CACNA2D2: variants seen among roughly 807,000 people sequenced by gnomAD.
CACNA2D2 encodes the protein calcium voltage-gated channel auxiliary subunit alpha2delta 2, also known as voltage-dependent calcium channel subunit alpha-2/delta-2.
Under a neutral mutation model 166.4 loss-of-function variants are expected in CACNA2D2, and 48 were observed. The ratio of observed to expected loss-of-function variants is 0.29; its 90% CI spans 0.23 to 0.37. The LOEUF is 0.37. Ranked by LOEUF, CACNA2D2 falls within the 10% of genes least tolerant of loss-of-function variation. CACNA2D2 has a pLI of 1.00. For synonymous variants in CACNA2D2, 561 were observed against 573.7 expected (o/e 0.98, Z 0.32); for missense variants, 1,122 against 1,433.0 (o/e 0.78, Z 3.50).
At chr3:50,455,714 G>A (rs900399204) in intron 2 of CACNA2D2, among the ~76,000 whole-genome samples, 2 of 152,002 alleles carry the variant, frequency 1.3e-5, no homozygotes, top group African/African-American at 4.8e-5. Flanking sequence ...CACCCCTCCC[G>A]CCTGCTCTGG....
chr3:50,382,925 C>A (rs1458872886), intron 6 of CACNA2D2, among the ~76,000 whole-genome samples: 1 of 152,236 alleles, frequency 6.6e-6, no homozygotes, highest in Non-Finnish European at 1.5e-5. Context: ...CGCGCAAACA[C>A]CCCTGCGCCC....
intron 3 of CACNA2D2, among the ~76,000 whole-genome samples, chr3:50,418,900 G>T (rs1471417432): frequency 6.6e-6 from 1 of 152,236 alleles, no homozygotes; most frequent in Non-Finnish European, 1.5e-5. Flanking sequence ...GCCTCTGGGG[G>T]AGGGAGATAT....
At chr3:50,416,583 C>A (rs1474958149) in intron 3 of CACNA2D2, among the ~76,000 whole-genome samples, 1 of 152,226 alleles carries the variant, frequency 6.6e-6, no homozygotes, top group Non-Finnish European at 1.5e-5. Context: ...AAAACCCCTG[C>A]TCTGTCCTGG....
chr3:50,458,914 C>T (rs755971089), intron 2 of CACNA2D2, among the ~76,000 whole-genome samples: 8 of 152,220 alleles, frequency 5.3e-5, no homozygotes, highest in South Asian at 2.1e-4. Context: ...ATCCCTTCCC[C>T]GGGTTTCTGG....
intron 3 of CACNA2D2, among the ~76,000 whole-genome samples, chr3:50,407,672 C>T (rs1422974712): frequency 1.3e-5 from 2 of 152,210 alleles, no homozygotes; most frequent in Admixed American, 6.5e-5. Context: ...GGGGCTTCTA[C>T]TAGTCCCAGC....
intron 3 of CACNA2D2, among the ~76,000 whole-genome samples, chr3:50,408,272 C>T (rs962633333): frequency 6.6e-6 from 1 of 152,218 alleles, no homozygotes; most frequent in South Asian, 2.1e-4. Context: ...CAAGACAAAG[C>T]CAGGGCTCCC....
rs1212207912 is a variant in CACNA2D2 at position 50,379,761 on chromosome 3, G to T, written c.957C>A (p.Asp319Glu). ...LMKTSVCEML[D>E]TLSDDDYVNV... ...TCACATAGTCATCATCAGACAGCGT[G>T]TCCAGCATCTCGCAGACAGATGTCT... The change falls in exon 10 of 38, where the codon GAC (aspartate) becomes GAA (glutamate). Residue 319 changes from aspartate to glutamate, a missense_variant. Asp to Glu is a conservative substitution (Grantham distance 45). Transcript: ENST00000424201. The surrounding 1 kb of genome is among the most constrained non-coding windows in gnomAD (Gnocchi z 6.5). 6.2e-7 allele frequency: 1 copy of T among 1,613,838 alleles called. No homozygotes were observed. The highest frequency in any genetic ancestry group is 8.5e-7 in the Non-Finnish European group (1 of 1,180,036).
chr3:50,404,196 T>C (rs2236959), intron 3 of CACNA2D2, among the ~76,000 whole-genome samples: 43,887 of 151,888 alleles, frequency 0.29, 8,917 homozygotes, highest in African/African-American at 0.54. Flanking sequence ...TCCAAGATGG[T>C]GTGGGGGGTG....
At chr3:50,442,399 A>G (rs1708641735) in intron 2 of CACNA2D2, among the ~76,000 whole-genome samples, 2 of 152,170 alleles carry the variant, frequency 1.3e-5, no homozygotes. Context: ...CTGCCCAAGA[A>G]GCACTTTCCC....
chr3:50,437,595 G>C (rs571521458), intron 2 of CACNA2D2, among the ~76,000 whole-genome samples: 2 of 152,282 alleles, frequency 1.3e-5, no homozygotes, highest in South Asian at 4.1e-4. Flanking sequence ...TGGGCCCTGA[G>C]CTGAGCCCCA....
rs551547879 is a variant in CACNA2D2 at position 50,492,763 on chromosome 3, G to C, written c.206+10455C>G. ...GGTCAGTAGGGCAGCCTCTGCAGAGGGAGATGCATGGCAGAACATCATGGG... is the reference window on the plus strand; with the variant it reads ...GGTCAGTAGGGCAGCCTCTGCAGAGCGAGATGCATGGCAGAACATCATGGG... On this transcript the variant is annotated intron_variant, in intron 1 of 37. Coordinates refer to ENST00000424201, the MANE Select transcript of CACNA2D2 (RefSeq NM_006030.4). 1.5e-3 allele frequency among the ~76,000 whole-genome samples: 230 copies of C among 152,274 alleles called. 1 individual carries two copies. In the Middle Eastern group the frequency reaches 0.027, roughly 18 times the overall value.
chr3:50,457,719 A>G (rs1381772757), intron 2 of CACNA2D2, among the ~76,000 whole-genome samples: 1 of 152,226 alleles, frequency 6.6e-6, no homozygotes, highest in Non-Finnish European at 1.5e-5. Context: ...TGCTGAGCGC[A>G]GAGACTTCCC....
In CACNA2D2 at chr3:50,379,690, A is replaced by G; in HGVS notation, c.993+35T>C. 1 of 1,612,234 alleles carries G rather than the reference A, an allele frequency of 6.2e-7. No homozygotes were observed. ...TCACAGGAGCAGGGCAGATGGGGTG[A>G]CCCATTTCACCCCGTCTGCCACCTT... On this transcript the variant is annotated intron_variant, in intron 10 of 37. Coordinates refer to ENST00000424201, the MANE Select transcript of CACNA2D2 (RefSeq NM_006030.4). This position sits in a 1 kb window ranked among gnomAD's most constrained non-coding sequence, Gnocchi z 6.5.
chr3:50,448,541 G>A (rs753800471), intron 2 of CACNA2D2, among the ~76,000 whole-genome samples: 13 of 152,184 alleles, frequency 8.5e-5, no homozygotes, highest in Non-Finnish European at 1.3e-4. Context: ...CCTGGTGCCT[G>A]TGTGTCGATG....
At chr3:50,453,618 G>A (rs761940515) in intron 2 of CACNA2D2, among the ~76,000 whole-genome samples, 59 of 152,172 alleles carry the variant, frequency 3.9e-4, no homozygotes, top group Admixed American at 3.3e-4. Context: ...CCCGTCCAGC[G>A]TCCTAGAATT....
intron 3 of CACNA2D2, among the ~76,000 whole-genome samples, chr3:50,413,849 A>AAAATAAATAAATAAATAAAT (rs59688623): frequency 6.6e-6 from 1 of 151,156 alleles, no homozygotes; most frequent in African/African-American, 2.4e-5. Flanking sequence ...TCCGTCTCAA[A>AAAATAAATAAATAAATAAAT]AAATAAATAA....
At chr3:50,378,239 G>A (rs765004416) in intron 14 of CACNA2D2, 45 bp downstream of exon 14, 1 of 1,555,804 alleles carries the variant, frequency 6.4e-7, no homozygotes, top group South Asian at 1.2e-5. Context: ...CAGCGTCCCT[G>A]CAGGGAAGCC....
intron 2 of CACNA2D2, among the ~76,000 whole-genome samples, chr3:50,460,044 C>A (rs925438572): frequency 1.3e-5 from 2 of 152,138 alleles, no homozygotes; most frequent in Non-Finnish European, 2.9e-5. Flanking sequence ...ACCCCCGACA[C>A]CCCTGCAGGT....
rs761840005 is a variant in CACNA2D2, at chr3:50,379,618, C to T, written c.994-28G>A. On this transcript the variant is annotated intron_variant, in intron 10 of 37. Coordinates refer to ENST00000424201, the MANE Select transcript of CACNA2D2 (RefSeq NM_006030.4). This position sits in a 1 kb window ranked among gnomAD's most constrained non-coding sequence, Gnocchi z 6.5. ...GCAGGAACAGTAGGGTGGTGAGTGG[C>T]CTCAGGCTGGCCGGGGTAGGCAGCT... 6.2e-7 allele frequency: 1 copy of T among 1,612,954 alleles called. No homozygotes were observed. The highest frequency in any genetic ancestry group is 8.5e-7 in the Non-Finnish European group (1 of 1,179,322).
Sources: gnomAD v4.1 joint callset for allele counts (sites outside exome capture counted in the v4.1 genomes callset) on GRCh38, gnomAD v4.1.1 for gene constraint, Gnocchi (gnomAD v3.1) non-coding constraint, MANE v1.5 for transcripts, NCBI Gene and HGNC (gene_info 2026-07-23, HGNC 2026-07-21) for gene names.